DMGDH: variants seen among roughly 807,000 people sequenced by gnomAD.
DMGDH encodes dimethylglycine dehydrogenase, mitochondrial.
Under a neutral mutation model 95.2 loss-of-function variants are expected in DMGDH, and 76 were observed. The observed-to-expected ratio is 0.80, with a 90% CI of 0.66 to 0.97. DMGDH has a LOEUF of 0.97. DMGDH is among the 50% of genes least tolerant of loss of function. DMGDH has a pLI of 0.00. For missense variants in DMGDH, 987 were observed against 1,055.0 expected (o/e 0.94, Z 0.89); for synonymous variants, 345 against 377.6 (o/e 0.91, Z 1.00).
At chr5:79,052,657 C>A (rs551428049) in intron 4 of DMGDH, among the ~76,000 whole-genome samples, 1 of 152,304 alleles carries the variant, frequency 6.6e-6, no homozygotes, top group East Asian at 1.9e-4. Context: ...ATTCCCATTG[C>A]TTAATGAATG....
At chr5:79,000,029 T>C (rs566762821) in intron 15 of DMGDH, 82 of 302,586 alleles carry the variant, frequency 2.7e-4, no homozygotes, top group Non-Finnish European at 4.8e-4. Flanking sequence ...CTAACAAATA[T>C]GTTGGAAGAA....
At position 79,069,510 on chromosome 5, in the gene DMGDH, C is replaced by A. The variant is rs899976135; in HGVS notation, c.101+10G>T. On this transcript the variant is annotated intron_variant, in intron 1 of 15. Transcript: ENST00000255189. The stretch of plus-strand genomic sequence containing the variant: ...CCCGTCGCCTCTGAGCAGGACGGGG[C>A]CCCACTCACCCTTCCCGGCCGCAGA... The A allele has an allele frequency of 3.9e-6, 5 of 1,280,258 alleles. No individual in the cohort carries two copies. The highest frequency in any genetic ancestry group is 3.1e-5 in the East Asian group (1 of 31,974). 79.3% of individuals were successfully genotyped at this position (1,280,258 alleles called of 1,614,324 possible). A position where few individuals can be genotyped will look rare whatever the true frequency, so the allele number is the denominator to read the frequency against.
At chr5:79,010,920 C>T (rs1406592140) in intron 14 of DMGDH, among the ~76,000 whole-genome samples, 3 of 152,134 alleles carry the variant, frequency 2.0e-5, no homozygotes, top group Non-Finnish European at 4.4e-5. Context: ...GGCTGTGCCA[C>T]TATCCTTCAA....
Position 79,063,747 on chromosome 5 carries a change from C to G in DMGDH, c.142G>C (p.Asp48His). 6.2e-7 allele frequency: 1 copy of G among 1,614,204 alleles called. No homozygotes were observed. Among genetic ancestry groups the G allele is most frequent in the Non-Finnish European group, 8.5e-7 (1 of 1,180,046 alleles). ...PPLSAETQWK[D>H]RAETVIIGGG... ...CCAATTATCACTGTTTCTGCTCTGT[C>G]TTTCCATTGTGTTTCTGCAGATAAG... Residue 48 changes from aspartate to histidine, a missense_variant, in exon 2 of 16, where the codon GAC becomes CAC. Transcript: ENST00000255189.
intron 6 of DMGDH, among the ~76,000 whole-genome samples, chr5:79,043,523 G>A (rs1171854613): frequency 6.6e-6 from 1 of 152,208 alleles, no homozygotes; most frequent in African/African-American, 2.4e-5. Flanking sequence ...TTGAGGAGTA[G>A]AGTGGAGGGA....
At chr5:79,052,377 A>G (rs898834388) in intron 4 of DMGDH, among the ~76,000 whole-genome samples, 1 of 152,322 alleles carries the variant, frequency 6.6e-6, no homozygotes, top group African/African-American at 2.4e-5. Context: ...AGAGATTGGC[A>G]TTAAGTCTTC....
At chr5:79,029,294 C>T (rs1177490116) in intron 11 of DMGDH, among the ~76,000 whole-genome samples, 1 of 152,108 alleles carries the variant, frequency 6.6e-6, no homozygotes, top group Non-Finnish European at 1.5e-5. Flanking sequence ...CATCACTGTA[C>T]AACTAAGATG....
intron 14 of DMGDH, among the ~76,000 whole-genome samples, chr5:79,019,737 C>G (rs1253433710): frequency 6.6e-6 from 1 of 151,972 alleles, no homozygotes; most frequent in African/African-American, 2.4e-5. Flanking sequence ...ATACAAAAAT[C>G]AACTGGGCAT....
chr5:79,003,988 A>G (rs1226142921), intron 15 of DMGDH, among the ~76,000 whole-genome samples: 2 of 152,108 alleles, frequency 1.3e-5, no homozygotes, highest in East Asian at 1.9e-4. Flanking sequence ...TAAATTCTTA[A>G]GAAACTACAG....
intron 2 of DMGDH, among the ~76,000 whole-genome samples, chr5:79,061,694 A>G (rs1227535080): frequency 6.6e-6 from 1 of 152,130 alleles, no homozygotes; most frequent in Non-Finnish European, 1.5e-5. Flanking sequence ...TTGAGGCTGG[A>G]GGATCATTTG....
chr5:79,008,642 G>A (rs1425594338), intron 14 of DMGDH, among the ~76,000 whole-genome samples: 1 of 152,056 alleles, frequency 6.6e-6, no homozygotes, highest in African/African-American at 2.4e-5. Flanking sequence ...TGCTGGAAAA[G>A]GAGACTAACT....
At chr5:79,015,465 C>T (rs990344090) in intron 14 of DMGDH, among the ~76,000 whole-genome samples, 5 of 152,208 alleles carry the variant, frequency 3.3e-5, no homozygotes, top group African/African-American at 1.2e-4. Context: ...GGATACACTC[C>T]AAATTCCTTA....
rs186786506 is a variant in DMGDH at position 79,067,015 on chromosome 5, T to C, written c.101+2505A>G. ...GTAATTTTCTTTCACCCTTGTTTGT[T>C]GGTTGTTTATATTAACATGAATTTA... On this transcript the variant is annotated intron_variant, in intron 1 of 15. Coordinates refer to ENST00000255189, the MANE Select transcript of DMGDH (RefSeq NM_013391.3). 9.1e-4 allele frequency among the ~76,000 whole-genome samples: 139 copies of C among 152,354 alleles called. 1 individual carries two copies. The highest frequency in any genetic ancestry group is 3.3e-3 in the African/African-American group (137 of 41,586).
chr5:79,026,673 T>G, intron 12 of DMGDH, 92 bp from the exon 13 acceptor site: 1 of 1,557,636 alleles, frequency 6.4e-7, no homozygotes, highest in East Asian at 2.3e-5. Flanking sequence ...GCAGGAGAAA[T>G]TCCACTTATG....
chr5:79,069,563 G>T lies in DMGDH; in HGVS notation c.58C>A (p.Gln20Lys). 7.5e-7 allele frequency: 1 copy of T among 1,342,088 alleles called. No individual in the cohort carries two copies. Among genetic ancestry groups the T allele is most frequent in the South Asian group, 2.0e-5 (1 of 50,562 alleles). The allele number at this position is 1,342,088 out of a possible 1,614,324, so 83.1% of individuals were successfully genotyped here. ...GAGCGCGGGCGCCCGGGGGAGCCCT[G>T]CAGCGGGCAGCTCCGCAGCAGGAGG... ...RGLLLRSCPL[Q>K]GSPGRPRSVC... Residue 20 changes from glutamine to lysine, a missense_variant, in exon 1 of 16, where the codon CAG becomes AAG. By Grantham distance (53) the Gln-to-Lys change is moderately conservative. Transcript: ENST00000255189.
Position 79,012,678 on chromosome 5 carries a change from C to T in DMGDH, c.2251-7271G>A, listed in dbSNP as rs778163594. Among the ~76,000 whole-genome samples the T allele has an allele frequency of 3.9e-5, 6 of 152,252 alleles. No homozygotes were observed. The South Asian group carries it at 6.2e-4, about 16-fold the overall frequency. On this transcript the variant is annotated intron_variant, in intron 14 of 15. Coordinates refer to ENST00000255189, the MANE Select transcript of DMGDH (RefSeq NM_013391.3). ...GGAGGCTCCCAAGCCTCAACTCTTGCACTTTGTGCACCCACAGGCTTAATA... is the reference window on the plus strand; with the variant it reads ...GGAGGCTCCCAAGCCTCAACTCTTGTACTTTGTGCACCCACAGGCTTAATA...
chr5:79,011,097 T>C (rs1029245050), intron 14 of DMGDH, among the ~76,000 whole-genome samples: 2 of 152,196 alleles, frequency 1.3e-5, no homozygotes, highest in African/African-American at 2.4e-5. Flanking sequence ...TGTGACACTG[T>C]TTATGCCTCA....
At chr5:79,034,404 C>A (rs248386) in intron 7 of DMGDH, among the ~76,000 whole-genome samples, 21,316 of 151,958 alleles carry the variant, frequency 0.14, 1,836 homozygotes, top group Non-Finnish European at 0.18. Flanking sequence ...GAACACGATG[C>A]GGAAAATAAA....
At chr5:79,056,626 GGT>G (rs1344726627) in intron 2 of DMGDH, among the ~76,000 whole-genome samples, 3 of 148,500 alleles carry the variant, frequency 2.0e-5, no homozygotes, top group African/African-American at 7.5e-5. Flanking sequence ...GGCCGAGGTG[GGT>G]GGATTACCTG....
Sources: allele counts gnomAD v4.1 joint callset (sites outside exome capture counted in the v4.1 genomes callset), GRCh38; gene constraint gnomAD v4.1.1; transcripts MANE v1.5; gene names NCBI Gene and HGNC (gene_info 2026-07-23, HGNC 2026-07-21).